The following ATE1 variants were observed in gnomAD, a reference collection of about 807,000 sequenced individuals.
The protein encoded by ATE1 is arginyl-tRNA--protein transferase 1.
ATE1 carries 36 observed loss-of-function variants against 70.5 expected under a neutral mutation model. The ratio of observed to expected loss-of-function variants is 0.51; its 90% CI spans 0.39 to 0.67. The LOEUF (loss-of-function observed/expected upper bound fraction) is 0.67. Ranked by LOEUF, ATE1 falls within the 30% of genes least tolerant of loss-of-function variation. The pLI is 0.00. For synonymous variants in ATE1, 232 were observed against 219.3 expected (o/e 1.06, Z -0.51); for missense variants, 593 against 629.5 (o/e 0.94, Z 0.62).
chr10:121,793,910 A>G lies in ATE1; in HGVS notation c.1258-3621T>C, dbSNP rs576945432. On this transcript the variant is annotated intron_variant, in intron 10 of 11. Coordinates refer to ENST00000224652, the MANE Select transcript of ATE1 (RefSeq NM_001001976.3). ...CTCACTTTCAAGGTTATGAAAGCAT[A>G]CTTTCATATTTTTTCTAGTACTTTC... Among the ~76,000 whole-genome samples, 7 of 152,278 alleles carry G rather than the reference A, an allele frequency of 4.6e-5. No individual in the cohort carries two copies. The East Asian group carries it at 1.4e-3, about 29-fold the overall frequency.
intron 7 of ATE1, among the ~76,000 whole-genome samples, chr10:121,876,315 CAT>C (rs1401716537): frequency 6.6e-6 from 1 of 152,224 alleles, no homozygotes; most frequent in East Asian, 1.9e-4. Context: ...TTTGCTAACA[CAT>C]ATCCTAATTA....
At chr10:121,890,570 CAATT>C (rs1251719085) in intron 7 of ATE1, among the ~76,000 whole-genome samples, 12 of 152,192 alleles carry the variant, frequency 7.9e-5, no homozygotes, top group African/African-American at 2.2e-4. Context: ...ATTTGGGAAA[CAATT>C]AGTCAGTGAA....
At chr10:121,890,881 C>A (rs566694703) in intron 7 of ATE1, among the ~76,000 whole-genome samples, 1 of 152,226 alleles carries the variant, frequency 6.6e-6, no homozygotes, top group South Asian at 2.1e-4. Context: ...AATCTGATAT[C>A]TACCTGAATG....
chr10:121,800,838 AC>A (rs1318698727), intron 10 of ATE1, among the ~76,000 whole-genome samples: 1 of 152,188 alleles, frequency 6.6e-6, no homozygotes, highest in Admixed American at 6.5e-5. Context: ...AGTGGGCTGT[AC>A]CCCCAGAGAA....
At chr10:121,825,322 A>G (rs964751148) in intron 10 of ATE1, among the ~76,000 whole-genome samples, 2 of 152,192 alleles carry the variant, frequency 1.3e-5, no homozygotes, top group Non-Finnish European at 2.9e-5. Context: ...AATATGACAC[A>G]CAGACAGAAA....
At chr10:121,845,059 C>T (rs896304070) in intron 8 of ATE1, among the ~76,000 whole-genome samples, 8 of 152,152 alleles carry the variant, frequency 5.3e-5, no homozygotes, top group African/African-American at 1.9e-4. Context: ...AATGTTACTG[C>T]ACACTTAAGA....
At chr10:121,911,985 A>G (rs1219008213) in intron 4 of ATE1, among the ~76,000 whole-genome samples, 1 of 152,034 alleles carries the variant, frequency 6.6e-6, no homozygotes, top group African/African-American at 2.4e-5. Context: ...TGACCTCGTG[A>G]TCCACCTGCC....
chr10:121,852,457 AAC>A (rs1308695818), intron 8 of ATE1, among the ~76,000 whole-genome samples: 5 of 152,136 alleles, frequency 3.3e-5, no homozygotes, highest in Admixed American at 2.0e-4. Flanking sequence ...GAAAAATAGA[AAC>A]ACACACTTTG....
At chr10:121,899,426 A>T (rs1950897146) in intron 7 of ATE1, among the ~76,000 whole-genome samples, 1 of 152,244 alleles carries the variant, frequency 6.6e-6, no homozygotes, top group Non-Finnish European at 1.5e-5. Context: ...TCAATTGTGC[A>T]AGGGTAGCAC....
intron 7 of ATE1, among the ~76,000 whole-genome samples, chr10:121,898,015 C>A (rs1398570174): frequency 6.6e-6 from 1 of 151,992 alleles, no homozygotes; most frequent in Non-Finnish European, 1.5e-5. Flanking sequence ...TTAGCTTACA[C>A]ATCGTGTCAT....
intron 3 of ATE1, among the ~76,000 whole-genome samples, chr10:121,921,631 C>CA (rs1332663667): frequency 1.3e-5 from 2 of 151,946 alleles, no homozygotes; most frequent in African/African-American, 4.8e-5. Context: ...GCCTGGGCAC[C>CA]ATAGTGAAGA....
intron 11 of ATE1, among the ~76,000 whole-genome samples, chr10:121,751,137 T>C (rs1944560549): frequency 6.6e-6 from 1 of 152,260 alleles, no homozygotes; most frequent in Non-Finnish European, 1.5e-5. Context: ...GGACTCCAGC[T>C]GAGAGAATTA....
intron 7 of ATE1, among the ~76,000 whole-genome samples, chr10:121,880,280 AATG>A (rs150351384): frequency 0.012 from 1,812 of 152,212 alleles, 42 homozygotes; most frequent in African/African-American, 0.041. Context: ...ATGTATTACT[AATG>A]ATCTTTAACA....
chr10:121,772,844 C>G (rs1284198324), intron 11 of ATE1, among the ~76,000 whole-genome samples: 2 of 152,202 alleles, frequency 1.3e-5, no homozygotes, highest in Non-Finnish European at 2.9e-5. Flanking sequence ...AGTCCAAATT[C>G]AATGTGCATA....
chr10:121,779,500 C>T (rs1328262872), intron 11 of ATE1, among the ~76,000 whole-genome samples: 1 of 152,186 alleles, frequency 6.6e-6, no homozygotes, highest in Non-Finnish European at 1.5e-5. Flanking sequence ...TCCCACTGAG[C>T]ATTTCCTCAT....
chr10:121,771,134 C>T (rs1945500325), intron 11 of ATE1, among the ~76,000 whole-genome samples: 1 of 152,120 alleles, frequency 6.6e-6, no homozygotes, highest in Admixed American at 6.6e-5. Flanking sequence ...TGCAGTGGCG[C>T]AATCTCCGCT....
chr10:121,767,285 A>G (rs1186002317), intron 11 of ATE1, among the ~76,000 whole-genome samples: 2 of 152,232 alleles, frequency 1.3e-5, no homozygotes, highest in African/African-American at 4.8e-5. Flanking sequence ...CCTATAGCTA[A>G]TATCTTAAAG....
chr10:121,888,872 C>T (rs1950492401), intron 7 of ATE1, among the ~76,000 whole-genome samples: 3 of 152,064 alleles, frequency 2.0e-5, no homozygotes, highest in Admixed American at 2.0e-4. Flanking sequence ...GCAAATGAAA[C>T]CACACTCAAA....
At chr10:121,749,526 A>T (rs540237872) in intron 11 of ATE1, among the ~76,000 whole-genome samples, 1 of 152,118 alleles carries the variant, frequency 6.6e-6, no homozygotes, top group Admixed American at 6.5e-5. Flanking sequence ...CAAAGGAAAG[A>T]TACACTATCC....
Sources: gnomAD v4.1 joint callset for allele counts (sites outside exome capture counted in the v4.1 genomes callset) on GRCh38, gnomAD v4.1.1 for gene constraint, MANE v1.5 for transcripts, NCBI Gene and HGNC (gene_info 2026-07-23, HGNC 2026-07-21) for gene names.